The following N4BP2 variants were observed in gnomAD, a reference collection of about 807,000 sequenced individuals.
The protein encoded by N4BP2 is NEDD4 binding protein 2.
In N4BP2, 91 loss-of-function variants were observed where a neutral mutation model predicts 152.8. That is an observed-to-expected ratio of 0.60 (90% CI 0.50 to 0.71). The LOEUF (loss-of-function observed/expected upper bound fraction) is 0.71, where lower values mean the gene tolerates loss of function less well. Among genes scored for constraint, N4BP2 ranks in the 30% least tolerant of loss-of-function variants. The probability of loss-of-function intolerance (pLI) is 0.00; values close to 1 mark genes in which losing one functional copy is unlikely to be tolerated. For synonymous variants in N4BP2, 646 were observed against 705.3 expected, an observed-to-expected ratio of 0.92 and a Z score of 1.33; for missense variants, 1,923 against 2,059.1, an observed-to-expected ratio of 0.93 and a Z score of 1.28.
chr4:40,146,955 G>A (rs1463266950), intron 16 of N4BP2, among the ~76,000 whole-genome samples: 80 of 142,278 alleles, frequency 5.6e-4, no homozygotes, highest in African/African-American at 1.9e-3. Flanking sequence ...GGTGTTTCTC[G>A]CAGAGGGGGA....
chr4:40,068,495 A>T (rs935468764), intron 1 of N4BP2, among the ~76,000 whole-genome samples: 1 of 152,188 alleles, frequency 6.6e-6, no homozygotes, highest in Non-Finnish European at 1.5e-5. Flanking sequence ...TTTGTATTCA[A>T]TGTAACATAA....
chr4:40,187,518 C>T, the N4BP2 span, among the ~76,000 whole-genome samples: 1 of 151,938 alleles, frequency 6.6e-6, no homozygotes, highest in Non-Finnish European at 1.5e-5. Context: ...TGGGGTCTTG[C>T]TATGTTGCCC....
rs1350261128 is a variant in N4BP2 at position 40,110,519 on chromosome 4, G to GT, written c.1499-1559dup. Among the ~76,000 whole-genome samples the GT allele has an allele frequency of 4.6e-5, 7 of 152,174 alleles. No individual in the cohort carries two copies. The East Asian group carries it at 1.3e-3, about 29-fold the overall frequency. ...AATGATGTGGAACATCTTTTTGTGT[G>GT]TTTTTTGGCCATTTGTATATCTTCT... On this transcript the variant is annotated intron_variant, in intron 5 of 17. Coordinates refer to ENST00000261435, the MANE Select transcript of N4BP2 (RefSeq NM_018177.6).
chr4:40,154,358 AC>A lies in N4BP2; in HGVS notation c.*122del. 1.7e-6 allele frequency: 1 copy of A among 578,646 alleles called. No homozygotes were observed. Among genetic ancestry groups the A allele is most frequent in the Non-Finnish European group, 2.8e-6 (1 of 353,672 alleles). The allele number at this position is 578,646 out of a possible 1,614,324, so 35.8% of individuals were successfully genotyped here. Reference sequence around the variant, plus strand: ...ATTATAAATAATATTCAATTATGAAACAAAAAAATTATGATGTTTTTCAAAA... The same window carrying A: ...ATTATAAATAATATTCAATTATGAAAAAAAAAATTATGATGTTTTTCAAAA... On this transcript the variant is annotated 3_prime_UTR_variant, in exon 18 of 18. Transcript: ENST00000261435.
the N4BP2 span, among the ~76,000 whole-genome samples, chr4:40,182,493 C>G: frequency 6.6e-6 from 1 of 152,118 alleles, no homozygotes; most frequent in African/African-American, 2.4e-5. Context: ...CTTTGTCACC[C>G]AGGCTGGAGT....
rs1156753905 is a variant in N4BP2 at position 40,156,238 on chromosome 4, T to C, written c.*2001T>C. ...ATATTTCCTTACCTAGTTTTAAAAATCATCACTTTTCGGCACTTCAGCTAG... is the reference window on the plus strand; with the variant it reads ...ATATTTCCTTACCTAGTTTTAAAAACCATCACTTTTCGGCACTTCAGCTAG... On this transcript the variant is annotated 3_prime_UTR_variant, in exon 18 of 18. Transcript: ENST00000261435. 2 of 152,182 alleles carry C rather than the reference T, an allele frequency of 1.3e-5. No homozygotes were observed. Among genetic ancestry groups the C allele is most frequent in the African/African-American group, 4.8e-5 (2 of 41,458 alleles). The allele number at this position is 152,182 out of a possible 1,614,324, so 9.4% of individuals were successfully genotyped here. A position where few individuals can be genotyped will look rare whatever the true frequency, so the allele number is the denominator to read the frequency against.
At chr4:40,164,970 T>C in the N4BP2 span, among the ~76,000 whole-genome samples, 1 of 152,212 alleles carries the variant, frequency 6.6e-6, no homozygotes, top group Non-Finnish European at 1.5e-5. Flanking sequence ...ACTGTCTTCT[T>C]AAGCTCTGGG....
chr4:40,070,655 T>G (rs1320276045), intron 1 of N4BP2, among the ~76,000 whole-genome samples: 1 of 152,072 alleles, frequency 6.6e-6, no homozygotes, highest in Non-Finnish European at 1.5e-5. Flanking sequence ...CTTGCCATGT[T>G]GCCCAGGCTG....
In N4BP2 at chr4:40,120,574, C is replaced by T. The variant is rs150228636; in HGVS notation, c.2463C>T (p.Tyr821=). The stretch of plus-strand genomic sequence containing the variant: ...TACAAAGCGACAAAAAGTATAATTA[C>T]CCTCAGTCACACAAATTAGTTAACA... ...SSVQSDKKYN[Y]PQSHKLVNSV... Residue 821 remains tyrosine (Y), a synonymous_variant, in exon 9 of 18, where the codon TAC becomes TAT. Coordinates refer to ENST00000261435, the MANE Select transcript of N4BP2 (RefSeq NM_018177.6). The T allele has an allele frequency of 4.4e-5, 71 of 1,613,990 alleles. No homozygotes were observed. The highest frequency in any genetic ancestry group is 5.8e-5 in the Non-Finnish European group (69 of 1,180,026).
chr4:40,179,182 C>T, the N4BP2 span, among the ~76,000 whole-genome samples: 1 of 152,110 alleles, frequency 6.6e-6, no homozygotes, highest in African/African-American at 2.4e-5. Flanking sequence ...TCCTGGCTAA[C>T]ATGGTGAAAC....
At chr4:40,187,436 G>A in the N4BP2 span, among the ~76,000 whole-genome samples, 2 of 152,274 alleles carry the variant, frequency 1.3e-5, no homozygotes, top group East Asian at 3.9e-4. Flanking sequence ...TGACTTCCTT[G>A]TGTTGGTTAT....
intron 16 of N4BP2, among the ~76,000 whole-genome samples, chr4:40,148,869 C>A (rs932721730): frequency 6.6e-6 from 1 of 151,944 alleles, no homozygotes; most frequent in African/African-American, 2.4e-5. Flanking sequence ...ATCAATTTAT[C>A]CATCGATGGA....
chr4:40,111,977 A>C (rs886751001), intron 5 of N4BP2, 107 bp from the exon 6 acceptor site: 3 of 636,812 alleles, frequency 4.7e-6, no homozygotes, highest in Non-Finnish European at 2.7e-6. Context: ...GCAGTGAGTA[A>C]AATTAGCACA....
chr4:40,130,078 C>G (rs1053262920), intron 12 of N4BP2, among the ~76,000 whole-genome samples: 1 of 152,030 alleles, frequency 6.6e-6, no homozygotes, highest in Admixed American at 6.6e-5. Context: ...CTGGGTTTCA[C>G]TGTGTTGCCC....
At chr4:40,113,345 C>T (rs1301849398) in intron 6 of N4BP2, 87 bp from the exon 7 acceptor site, 5 of 971,962 alleles carry the variant, frequency 5.1e-6, no homozygotes, top group Middle Eastern at 2.4e-4. Context: ...ATAATCTTTA[C>T]GTTTTACATG....
At chr4:40,085,069 C>T (rs1460549299) in intron 2 of N4BP2, among the ~76,000 whole-genome samples, 6 of 151,954 alleles carry the variant, frequency 3.9e-5, no homozygotes, top group South Asian at 2.1e-4. Context: ...CCCACTACCA[C>T]GCCCAGCTAA....
the N4BP2 span, among the ~76,000 whole-genome samples, chr4:40,175,211 C>T: frequency 6.6e-6 from 1 of 151,390 alleles, no homozygotes; most frequent in East Asian, 1.9e-4. Context: ...ATGGTAAAGA[C>T]AGGGTCTCGG....
rs1474375307 is a variant in N4BP2 at position 40,117,778 on chromosome 4, AT to A, written c.1665-90del. 4 of 1,071,620 alleles carry A rather than the reference AT, an allele frequency of 3.7e-6. No homozygotes were observed. In the African/African-American group the frequency reaches 6.4e-5, roughly 17 times the overall value. 66.4% of individuals were successfully genotyped at this position (1,071,620 alleles called of 1,614,324 possible). Reference sequence around the variant, plus strand: ...GCTTTGATATTCGTATCTATTAGAAATATATTATTGTTTTCCTAGACATATG... The same window carrying A: ...GCTTTGATATTCGTATCTATTAGAAAATATTATTGTTTTCCTAGACATATG... On this transcript the variant is annotated intron_variant, in intron 7 of 17. Coordinates refer to ENST00000261435, the MANE Select transcript of N4BP2 (RefSeq NM_018177.6).
Position 40,126,125 on chromosome 4 carries a change from A to G in N4BP2, c.4331-9A>G. On this transcript the variant is annotated splice_polypyrimidine_tract_variant and intron_variant, in intron 11 of 17. Coordinates refer to ENST00000261435, the MANE Select transcript of N4BP2 (RefSeq NM_018177.6). ...TTGAGAGTATGACAGTATTTATACT[A>G]CTTTGTAGATCCTTCCTTGGTTGGA... 1 of 1,547,166 alleles carries G rather than the reference A, an allele frequency of 6.5e-7. No homozygotes were observed. The highest frequency in any genetic ancestry group is 8.7e-7 in the Non-Finnish European group (1 of 1,147,122).
Sources: allele counts gnomAD v4.1 joint callset (sites outside exome capture counted in the v4.1 genomes callset), GRCh38; gene constraint gnomAD v4.1.1; transcripts MANE v1.5; gene names NCBI Gene and HGNC (gene_info 2026-07-23, HGNC 2026-07-21).